The following C1QB variants were observed in gnomAD, a reference collection of about 807,000 sequenced individuals.
C1QB encodes complement C1q B chain.
Under a neutral mutation model 4.6 loss-of-function variants are expected in C1QB, and 2 were observed. The observed-to-expected ratio is 0.43, with a 90% CI of 0.18 to 1.36. The LOEUF (loss-of-function observed/expected upper bound fraction) is 1.36. C1QB is among the 40% of genes most tolerant of loss of function. The pLI is 0.28. For synonymous variants in C1QB, 132 were observed against 137.1 expected, an observed-to-expected ratio of 0.96 and a Z score of 0.26; for missense variants, 292 against 338.0, an observed-to-expected ratio of 0.86 and a Z score of 1.07.
rs1642618384 is a variant in C1QB, at chr1:22,661,256, G to A, written c.626G>A (p.Gly209Asp). ...AACACCTTCCAGGTCACCACCGGTG[G>A]CATGGTCCTCAAGCTGGAGCAGGGG... The part of the protein sequence containing the change: ...AYNTFQVTTG[G>D]MVLKLEQGEN... Residue 209 changes from glycine to aspartate, a missense_variant, in exon 3 of 3, where the codon GGC becomes GAC. Gly to Asp is a moderately conservative substitution (Grantham distance 94). Transcript: ENST00000509305. 6.2e-7 allele frequency: 1 copy of A among 1,613,216 alleles called. No individual in the cohort carries two copies. The highest frequency in any genetic ancestry group is 1.3e-5 in the African/African-American group (1 of 74,872).
chr1:22,658,933 AGATG>A (rs146876412), intron 1 of C1QB, among the ~76,000 whole-genome samples: 2 of 100,694 alleles, frequency 2.0e-5, no homozygotes, highest in Admixed American at 1.1e-4. Flanking sequence ...AGGGGTAGAG[AGATG>A]GATGGATGGA....
chr1:22,660,789 T>A, intron 2 of C1QB, 23 bp from the exon 3 acceptor site: 1 of 1,613,178 alleles, frequency 6.2e-7, no homozygotes, highest in Non-Finnish European at 8.5e-7. Flanking sequence ...GTGATCTCAC[T>A]TCTTTGGTCT....
At chr1:22,656,126 T>G (rs1445355823) in intron 1 of C1QB, among the ~76,000 whole-genome samples, 1 of 152,144 alleles carries the variant, frequency 6.6e-6, no homozygotes, top group African/African-American at 2.4e-5. Flanking sequence ...ACACAACGTT[T>G]GTGCAGCAGG....
chr1:22,653,459 C>G (rs570545335), intron 1 of C1QB, among the ~76,000 whole-genome samples, 156 bp downstream of exon 1: 31 of 152,314 alleles, frequency 2.0e-4, no homozygotes, highest in Admixed American at 5.2e-4. Flanking sequence ...CTATGGGACC[C>G]AGATCTCTGG....
chr1:22,660,016 G>C (rs1184423973), intron 2 of C1QB, among the ~76,000 whole-genome samples: 1 of 152,132 alleles, frequency 6.6e-6, no homozygotes, highest in Non-Finnish European at 1.5e-5. Context: ...CTGTAAGATG[G>C]GGGCAATGGT....
intron 1 of C1QB, among the ~76,000 whole-genome samples, chr1:22,657,585 G>A (rs1437559437): frequency 6.6e-6 from 1 of 152,164 alleles, no homozygotes; most frequent in African/African-American, 2.4e-5. Context: ...AGGGGCTGGG[G>A]GAAGGAGGAT....
At position 22,659,538 on chromosome 1, in the gene C1QB, C is replaced by T; in HGVS notation, c.76C>T (p.Gln26Ter). The change falls in exon 2 of 3, where the codon CAG becomes TAG. Residue 26 changes from glutamine (Q) to a stop codon, truncating the protein, a stop_gained. Coordinates refer to ENST00000509305, the MANE Select transcript of C1QB (RefSeq NM_001378156.1). LOFTEE classifies it high-confidence loss of function. ...GGGCCTAATCGATATCTCCCAGGCC[C>T]AGCTCAGCTGCACCGGGCCCCCAGC... ...LLGLIDISQA[Q>*]LSCTGPPAIP... The T allele has an allele frequency of 6.2e-7, 1 of 1,614,082 alleles. No individual in the cohort carries two copies. Among genetic ancestry groups the T allele is most frequent in the Non-Finnish European group, 8.5e-7 (1 of 1,179,988 alleles).
intron 1 of C1QB, among the ~76,000 whole-genome samples, chr1:22,657,993 CT>C (rs1422450427): frequency 6.6e-6 from 1 of 152,154 alleles, no homozygotes; most frequent in Non-Finnish European, 1.5e-5. Context: ...GGCTTCATTC[CT>C]TCCTGTATGA....
intron 2 of C1QB, 35 bp downstream of exon 2, chr1:22,659,678 G>A: frequency 6.3e-7 from 1 of 1,582,946 alleles, no homozygotes; most frequent in Non-Finnish European, 8.6e-7. Flanking sequence ...TGGTAATACT[G>A]ACCAAATTTC....
At chr1:22,659,342 AGAGAGATGGATG>A (rs1189949911) in intron 1 of C1QB, 86 bp from the exon 2 acceptor site, 4 of 967,884 alleles carry the variant, frequency 4.1e-6, no homozygotes, top group Admixed American at 2.1e-5. Flanking sequence ...ATGGAGGAAT[AGAGAGATGGATG>A]GATGGATGGA....
chr1:22,661,290 C>A lies in C1QB; in HGVS notation c.660C>A (p.Val220=), dbSNP rs548014292. The A allele has an allele frequency of 1.9e-6, 3 of 1,613,996 alleles. No homozygotes were observed. Among genetic ancestry groups the A allele is most frequent in the African/African-American group, 2.7e-5 (2 of 75,018 alleles). ...TCAAGCTGGAGCAGGGGGAGAACGT[C>A]TTCCTGCAGGCCACCGACAAGAACT... The part of the protein sequence containing the change: ...MVLKLEQGEN[V]FLQATDKNSL... Residue 220 remains valine, a synonymous_variant, in exon 3 of 3, where the codon GTC becomes GTA. Transcript: ENST00000509305.
intron 1 of C1QB, among the ~76,000 whole-genome samples, chr1:22,657,827 A>G (rs1264646124): frequency 2.6e-5 from 4 of 152,226 alleles, no homozygotes. Flanking sequence ...AGCTAATGGC[A>G]TGGAACACTG....
At chr1:22,660,602 C>T (rs1435382458) in intron 2 of C1QB, among the ~76,000 whole-genome samples, 5 of 152,224 alleles carry the variant, frequency 3.3e-5, no homozygotes, top group Admixed American at 2.0e-4. Flanking sequence ...CCCCTCCCCA[C>T]GATCAGCAGC....
rs1642585263 is a variant in C1QB at position 22,659,376 on chromosome 1, AT to A, written c.-23-63del. 4.2e-6 allele frequency: 6 copies of A among 1,412,658 alleles called. No homozygotes were observed. In the Admixed American group the frequency reaches 1.0e-4, roughly 24 times the overall value. The allele number at this position is 1,412,658 out of a possible 1,614,324, so 87.5% of individuals were successfully genotyped here. A position where few individuals can be genotyped will look rare whatever the true frequency, so the allele number is the denominator to read the frequency against. On this transcript the variant is annotated intron_variant, in intron 1 of 2. Coordinates refer to ENST00000509305, the MANE Select transcript of C1QB (RefSeq NM_001378156.1). ...GATGGATGGATGGATGGATGGATGGATGGATGGATGGATGGATGATAGGATC... is the reference window on the plus strand; with the variant it reads ...GATGGATGGATGGATGGATGGATGGAGGATGGATGGATGGATGATAGGATC...
chr1:22,658,698 G>T (rs75944873), intron 1 of C1QB, among the ~76,000 whole-genome samples: 432 of 152,338 alleles, frequency 2.8e-3, no homozygotes, highest in Non-Finnish European at 4.6e-3. Flanking sequence ...AGGAATGGAT[G>T]GATGGAGGGA....
In C1QB at chr1:22,660,977, C is replaced by T; in HGVS notation, c.347C>T (p.Ala116Val). The stretch of plus-strand genomic sequence containing the variant: ...AAAGGTGAATCGGGAGACTACAAGG[C>T]CACCCAGAAAATCGCCTTCTCTGCC... ...GPKGESGDYKATQKIAFSATR... is the reference protein window; with the variant it reads ...GPKGESGDYKVTQKIAFSATR... Residue 116 changes from alanine to valine, a missense_variant, in exon 3 of 3, where the codon GCC becomes GTC. By Grantham distance (64) the Ala-to-Val change is moderately conservative (BLOSUM62 0). Transcript: ENST00000509305. The T allele has an allele frequency of 3.1e-6, 5 of 1,613,990 alleles. No homozygotes were observed. The highest frequency in any genetic ancestry group is 4.2e-6 in the Non-Finnish European group (5 of 1,179,948).
At chr1:22,657,801 G>A (rs1439046287) in intron 1 of C1QB, among the ~76,000 whole-genome samples, 1 of 152,156 alleles carries the variant, frequency 6.6e-6, no homozygotes, top group Non-Finnish European at 1.5e-5. Flanking sequence ...GAACTTAAAG[G>A]CCACTTTGTC....
intron 1 of C1QB, among the ~76,000 whole-genome samples, chr1:22,658,933 A>AGATG (rs146876412): frequency 0.47 from 46,942 of 100,544 alleles, 11,716 homozygotes; most frequent in African/African-American, 0.74. Flanking sequence ...AGGGGTAGAG[A>AGATG]GATGGATGGA....
chr1:22,659,445 G>A lies in C1QB; in HGVS notation c.-18G>A, dbSNP rs778026557. 1.1e-5 allele frequency: 17 copies of A among 1,613,740 alleles called. No homozygotes were observed. The highest frequency in any genetic ancestry group is 8.9e-5 in the East Asian group (4 of 44,882). ...TCACATTGTCTTCTCCACAGGAGGCGTCTGACACAGTATGATGATGAAGAT... is the reference window on the plus strand; with the variant it reads ...TCACATTGTCTTCTCCACAGGAGGCATCTGACACAGTATGATGATGAAGAT... On this transcript the variant is annotated 5_prime_UTR_variant, in exon 2 of 3. Transcript: ENST00000509305.
Sources: gnomAD v4.1 joint callset for allele counts (sites outside exome capture counted in the v4.1 genomes callset) on GRCh38, gnomAD v4.1.1 for gene constraint, MANE v1.5 for transcripts, NCBI Gene and HGNC (gene_info 2026-07-23, HGNC 2026-07-21) for gene names.